Variants in FYN observed in about 807,000 individuals in gnomAD.
FYN encodes the protein tyrosine-protein kinase Fyn.
A neutral mutation model predicts 70.2 loss-of-function variants in FYN; 10 were observed. The observed-to-expected ratio is 0.14, with a 90% CI of 0.09 to 0.24. The LOEUF (loss-of-function observed/expected upper bound fraction) is 0.24, where lower values mean the gene tolerates loss of function less well. Ranked by LOEUF, FYN falls within the 10% of genes least tolerant of loss-of-function variation. FYN has a pLI of 1.00. For missense variants in FYN, 319 were observed against 673.1 expected, an observed-to-expected ratio of 0.47 and a Z score of 5.82; for synonymous variants, 236 against 248.6, an observed-to-expected ratio of 0.95 and a Z score of 0.48.
chr6:111,714,055 G>A (rs1055442710), intron 5 of FYN, among the ~76,000 whole-genome samples: 13 of 152,228 alleles, frequency 8.5e-5, no homozygotes, highest in Admixed American at 3.3e-4. Flanking sequence ...ACTCAGGGCT[G>A]TGGAGAGCGA....
At position 111,762,348 on chromosome 6, in the gene FYN, GCCC is replaced by G. The variant is rs574844402; in HGVS notation, c.-12+18215_-12+18217del. ...ATTGTAAACGATAATAAAATTCTAAGCCCCCCAAGTGACTAAGTGGACCCTCCT... is the reference window on the plus strand; with the variant it reads ...ATTGTAAACGATAATAAAATTCTAAGCCCAAGTGACTAAGTGGACCCTCCT... On this transcript the variant is annotated intron_variant, in intron 3 of 13. Transcript: ENST00000354650. 2.8e-4 allele frequency among the ~76,000 whole-genome samples: 42 copies of G among 152,152 alleles called. No homozygotes were observed. In the East Asian group the frequency reaches 7.2e-3, roughly 26 times the overall value.
intron 3 of FYN, among the ~76,000 whole-genome samples, chr6:111,747,227 C>T (rs1420937893): frequency 3.3e-5 from 5 of 152,126 alleles, no homozygotes; most frequent in Non-Finnish European, 7.3e-5. Flanking sequence ...GATACTTGCA[C>T]CCATGAGTGT....
chr6:111,699,983 C>T, intron 9 of FYN, 121 bp downstream of exon 9: 1 of 684,210 alleles, frequency 1.5e-6, no homozygotes, highest in Non-Finnish European at 2.3e-6. Flanking sequence ...TATTATTCCC[C>T]ACTATTAGTA....
At chr6:111,734,230 C>G (rs1387313067) in intron 3 of FYN, among the ~76,000 whole-genome samples, 1 of 152,190 alleles carries the variant, frequency 6.6e-6, no homozygotes, top group Non-Finnish European at 1.5e-5. Context: ...GACAGACAGG[C>G]AGCTCTTGGC....
intron 3 of FYN, among the ~76,000 whole-genome samples, chr6:111,764,228 AAAAAG>A (rs1554286117): frequency 8.5e-4 from 115 of 134,892 alleles, no homozygotes; most frequent in African/African-American, 3.5e-3. Flanking sequence ...AAAAAAAAAA[AAAAAG>A]AAAAGAAAAA....
intron 2 of FYN, among the ~76,000 whole-genome samples, chr6:111,841,988 A>AACACACACAC (rs35832854): frequency 6.7e-6 from 1 of 148,170 alleles, no homozygotes; most frequent in Admixed American, 6.7e-5. Context: ...CTTCCTCCTA[A>AACACACACAC]ACACACACAC....
intron 2 of FYN, among the ~76,000 whole-genome samples, chr6:111,800,941 A>T (rs1352355367): frequency 1.3e-5 from 2 of 152,218 alleles, no homozygotes; most frequent in African/African-American, 4.8e-5. Context: ...GCAAAATTTG[A>T]ATCTAAAAGT....
intron 12 of FYN, among the ~76,000 whole-genome samples, chr6:111,693,781 G>A (rs1583317302): frequency 6.6e-6 from 1 of 152,064 alleles, no homozygotes; most frequent in East Asian, 1.9e-4. Context: ...TCTACTTCTG[G>A]TTGGGTCTGG....
intron 2 of FYN, among the ~76,000 whole-genome samples, chr6:111,780,867 C>A (rs988841384): frequency 6.6e-6 from 1 of 152,130 alleles, no homozygotes; most frequent in Non-Finnish European, 1.5e-5. Context: ...ATGAAATATA[C>A]CAGAAACTAT....
chr6:111,844,817 T>C (rs1174472915), intron 2 of FYN: 1 of 152,234 alleles, frequency 6.6e-6, no homozygotes, highest in Non-Finnish European at 1.5e-5. Context: ...CCTTTTTCCA[T>C]TTTAATTCAA....
intron 3 of FYN, among the ~76,000 whole-genome samples, chr6:111,725,257 C>T (rs1019920478): frequency 6.6e-6 from 1 of 152,160 alleles, no homozygotes; most frequent in Non-Finnish European, 1.5e-5. Context: ...TTTCCCCTGT[C>T]ATTACTGGGA....
At chr6:111,766,288 T>A (rs1018087392) in intron 3 of FYN, among the ~76,000 whole-genome samples, 2 of 152,166 alleles carry the variant, frequency 1.3e-5, no homozygotes, top group African/African-American at 4.8e-5. Flanking sequence ...GCAAAGTTAA[T>A]GCCCTGCCCT....
chr6:111,722,056 A>G (rs1214370896), intron 3 of FYN, among the ~76,000 whole-genome samples: 30 of 152,188 alleles, frequency 2.0e-4, no homozygotes, highest in Non-Finnish European at 8.8e-5. Flanking sequence ...AGGAGGTGCC[A>G]TATCAGAAGA....
intron 3 of FYN, among the ~76,000 whole-genome samples, chr6:111,742,554 T>A (rs1459362600): frequency 6.6e-6 from 1 of 152,194 alleles, no homozygotes; most frequent in Non-Finnish European, 1.5e-5. Flanking sequence ...GCAAGCCTTC[T>A]GTGAAGTAAG....
chr6:111,728,896 C>CT (rs1801316697), intron 3 of FYN, among the ~76,000 whole-genome samples: 1 of 151,936 alleles, frequency 6.6e-6, no homozygotes, highest in African/African-American at 2.4e-5. Flanking sequence ...AAGAGAAACT[C>CT]TAAGTTTAGG....
At chr6:111,680,374 G>A (rs7765754) in intron 12 of FYN, among the ~76,000 whole-genome samples, 4,485 of 152,284 alleles carry the variant, frequency 0.029, 195 homozygotes, top group African/African-American at 0.1. Context: ...ACAATAAAGT[G>A]CTATGAAGAA....
intron 3 of FYN, among the ~76,000 whole-genome samples, chr6:111,770,872 C>G (rs1442254325): frequency 6.6e-6 from 1 of 152,050 alleles, no homozygotes; most frequent in Non-Finnish European, 1.5e-5. Context: ...ATCCAGCTGC[C>G]CATGACCCAA....
At chr6:111,692,069 A>T (rs1198507201) in intron 12 of FYN, among the ~76,000 whole-genome samples, 1 of 150,810 alleles carries the variant, frequency 6.6e-6, no homozygotes, top group Non-Finnish European at 1.5e-5. Flanking sequence ...TTCTCCTGGG[A>T]CATCCTGGGA....
At chr6:111,733,401 G>A (rs1562496107) in intron 3 of FYN, among the ~76,000 whole-genome samples, 1 of 152,288 alleles carries the variant, frequency 6.6e-6, no homozygotes, top group Middle Eastern at 3.4e-3. Flanking sequence ...ACTACACCAT[G>A]CTGTTTTTTG....
Sources: gnomAD v4.1 joint callset for allele counts (sites outside exome capture counted in the v4.1 genomes callset) on GRCh38, gnomAD v4.1.1 for gene constraint, MANE v1.5 for transcripts, NCBI Gene and HGNC (gene_info 2026-07-23, HGNC 2026-07-21) for gene names.